The following SLC7A14 variants were observed in gnomAD, a reference collection of about 807,000 sequenced individuals.
SLC7A14 encodes the protein solute carrier family 7 member 14, also known as gamma-aminobutyric acid transporter SLC7A14.
In SLC7A14, 37 loss-of-function variants were observed where a neutral mutation model predicts 60.2. The observed-to-expected ratio is 0.61, with a 90% CI of 0.47 to 0.81. The LOEUF (loss-of-function observed/expected upper bound fraction) is 0.81, where lower values mean the gene tolerates loss of function less well. SLC7A14 is among the 30% of genes least tolerant of loss of function. The pLI, the probability that SLC7A14 is intolerant of heterozygous loss-of-function variation, is 0.00. For missense variants in SLC7A14, 886 were observed against 982.7 expected, an observed-to-expected ratio of 0.90 and a Z score of 1.32; for synonymous variants, 399 against 395.8, an observed-to-expected ratio of 1.01 and a Z score of -0.10.
rs750144725 is a variant in SLC7A14, at chr3:170,501,113, G to A, written c.537C>T (p.Gly179=). ...WMADSVGTLN[G]LGKGEESYPD... ...AGGAGGATGTGGCAGTCTCACCCAG[G>A]CCATTGAGGGTTCCCACGCTGTCCG... is the stretch of plus-strand genomic sequence containing the variant. The change falls in exon 3 of 8, where the codon GGC becomes GGT. Residue 179 remains glycine (G), a synonymous_variant. Coordinates refer to ENST00000231706, the MANE Select transcript of SLC7A14 (RefSeq NM_020949.3). The A allele has an allele frequency of 4.3e-6, 7 of 1,614,162 alleles. No homozygotes were observed. The Admixed American group carries it at 1.2e-4, about 27-fold the overall frequency.
intron 7 of SLC7A14, among the ~76,000 whole-genome samples, chr3:170,474,005 G>C (rs1342084965): frequency 6.6e-6 from 1 of 152,170 alleles, no homozygotes; most frequent in African/African-American, 2.4e-5. Flanking sequence ...AGAGATACAT[G>C]TCCGCGTGTC....
chr3:170,511,370 C>G (rs1471042574), intron 2 of SLC7A14, among the ~76,000 whole-genome samples: 3 of 151,556 alleles, frequency 2.0e-5, no homozygotes, highest in Non-Finnish European at 4.4e-5. Flanking sequence ...GCACTCCAGC[C>G]TGGGCAACAA....
At chr3:170,510,930 T>G (rs1712960163) in intron 2 of SLC7A14, among the ~76,000 whole-genome samples, 4 of 152,206 alleles carry the variant, frequency 2.6e-5, no homozygotes, top group Admixed American at 1.3e-4. Context: ...TCAGACAACC[T>G]GGGAGAGAAT....
chr3:170,510,209 G>A (rs1465685993), intron 2 of SLC7A14, among the ~76,000 whole-genome samples: 1 of 151,754 alleles, frequency 6.6e-6, no homozygotes, highest in Non-Finnish European at 1.5e-5. Flanking sequence ...GGCCAACGTG[G>A]TGAAACCCTG....
chr3:170,576,566 C>G (rs1286215855), intron 1 of SLC7A14, among the ~76,000 whole-genome samples: 1 of 152,184 alleles, frequency 6.6e-6, no homozygotes, highest in Non-Finnish European at 1.5e-5. Context: ...GGTCATACTT[C>G]TGAACAATAA....
chr3:170,549,911 G>C (rs779838832), intron 1 of SLC7A14, among the ~76,000 whole-genome samples: 2 of 152,186 alleles, frequency 1.3e-5, no homozygotes, highest in Non-Finnish European at 2.9e-5. Context: ...CAGGGGCAGA[G>C]GTCTGATGGG....
chr3:170,474,190 C>T (rs886921509), intron 7 of SLC7A14, among the ~76,000 whole-genome samples: 7 of 152,164 alleles, frequency 4.6e-5, no homozygotes, highest in Admixed American at 1.3e-4. Flanking sequence ...CAACAATGGG[C>T]GTGAATCTCA....
At position 170,459,607 on chromosome 3, in the gene SLC7A14, GA is replaced by G. The variant is rs1739554086; in HGVS notation, c.*7447del. On this transcript the variant is annotated 3_prime_UTR_variant, in exon 8 of 8. Transcript: ENST00000231706. ...TGTACTTTTTAAAATGTTTTATTCT[GA>G]AAATGAATTTTCCACAATAATGCAA... The G allele has an allele frequency of 6.6e-6, 1 of 152,084 alleles. No homozygotes were observed. 9.4% of individuals were successfully genotyped at this position (152,084 alleles called of 1,614,324 possible). A position where few individuals can be genotyped will look rare whatever the true frequency, so the allele number is the denominator to read the frequency against.
chr3:170,512,715 G>A (rs1159149954), intron 2 of SLC7A14, among the ~76,000 whole-genome samples: 1 of 132,456 alleles, frequency 7.5e-6, no homozygotes, highest in Admixed American at 8.6e-5. Flanking sequence ...CCAGGCTGGA[G>A]TGCAGTGGAA....
intron 4 of SLC7A14, chr3:170,495,487 GC>G: frequency 2.1e-5 from 19 of 894,002 alleles, no homozygotes; most frequent in Non-Finnish European, 2.6e-5. Context: ...TCCACCTCTG[GC>G]CCCCAGGCCT....
rs1296115538 is a variant in SLC7A14 at position 170,585,467 on chromosome 3, G to A, written c.-153+444C>T. On this transcript the variant is annotated intron_variant, in intron 1 of 7. Transcript: ENST00000231706. The surrounding 1 kb of genome is among the most constrained non-coding windows in gnomAD (Gnocchi z 5.1). ...TCTCCGTTTCATGGTCTCGGTCCGA[G>A]GCGGAGAACGGAGCTGCCCGTGCGG... is the stretch of plus-strand genomic sequence containing the variant. Among the ~76,000 whole-genome samples, 1 of 152,230 alleles carries A rather than the reference G, an allele frequency of 6.6e-6. No homozygotes were observed. The highest frequency in any genetic ancestry group is 2.4e-5 in the African/African-American group (1 of 41,470).
chr3:170,505,712 A>G (rs1451780753), intron 2 of SLC7A14, among the ~76,000 whole-genome samples: 1 of 151,940 alleles, frequency 6.6e-6, no homozygotes, highest in Non-Finnish European at 1.5e-5. Flanking sequence ...ATGGTGAAAC[A>G]CCGTCTCTAC....
intron 2 of SLC7A14, among the ~76,000 whole-genome samples, chr3:170,506,286 C>T (rs147296062): frequency 2.6e-5 from 4 of 152,318 alleles, no homozygotes; most frequent in East Asian, 3.9e-4. Context: ...CAATTACCCA[C>T]GATATAAATC....
chr3:170,517,164 T>C (rs1398524395), intron 2 of SLC7A14, among the ~76,000 whole-genome samples: 1 of 152,208 alleles, frequency 6.6e-6, no homozygotes, highest in Non-Finnish European at 1.5e-5. Context: ...AAACTGATAG[T>C]AATAATAATA....
In SLC7A14 at chr3:170,467,232, C is replaced by G. The variant is rs749127670; in HGVS notation, c.2139G>C (p.Glu713Asp). 6.2e-7 allele frequency: 1 copy of G among 1,614,278 alleles called. No homozygotes were observed. The highest frequency in any genetic ancestry group is 1.7e-5 in the Admixed American group (1 of 60,038). The change falls in exon 8 of 8, where the codon GAG becomes GAC. Residue 713 changes from glutamate to aspartate, a missense_variant. Glu to Asp is a conservative substitution (Grantham distance 45, BLOSUM62 2). Transcript: ENST00000231706. Reference sequence around the variant, plus strand: ...CGCCCCAGTCCTCCTGGCTCTCGCCCTCTGTGGCGTAGGAGAAACCCTCCT... The same window carrying G: ...CGCCCCAGTCCTCCTGGCTCTCGCCGTCTGTGGCGTAGGAGAAACCCTCCT... ...SVEEGFSYAT[E>D]GESQEDWGGP... is the part of the protein sequence containing the mutation.
At chr3:170,471,284 C>T (rs1438985184) in intron 7 of SLC7A14, among the ~76,000 whole-genome samples, 1 of 152,172 alleles carries the variant, frequency 6.6e-6, no homozygotes, top group African/African-American at 2.4e-5. Flanking sequence ...TTACATCTCC[C>T]GCCTACCAGG....
chr3:170,524,377 G>T (rs1442767607), intron 2 of SLC7A14, among the ~76,000 whole-genome samples: 2 of 152,218 alleles, frequency 1.3e-5, no homozygotes, highest in Non-Finnish European at 2.9e-5. Context: ...GAAAAGTCTA[G>T]ATTATATACT....
chr3:170,510,259 G>A (rs1712929249), intron 2 of SLC7A14, among the ~76,000 whole-genome samples: 1 of 151,392 alleles, frequency 6.6e-6, no homozygotes, highest in Admixed American at 6.6e-5. Context: ...GCGTGTTGGA[G>A]GGCACCTGTA....
chr3:170,485,741 A>G (rs1181721271), intron 5 of SLC7A14, among the ~76,000 whole-genome samples: 1 of 152,150 alleles, frequency 6.6e-6, no homozygotes. Flanking sequence ...TTTCCTCCCC[A>G]GATTTAAGGG....
Sources: allele counts gnomAD v4.1 joint callset (sites outside exome capture counted in the v4.1 genomes callset), GRCh38; gene constraint gnomAD v4.1.1; non-coding constraint Gnocchi (gnomAD v3.1); transcripts MANE v1.5; gene names NCBI Gene and HGNC (gene_info 2026-07-23, HGNC 2026-07-21).